GPHN: variants seen among roughly 807,000 people sequenced by gnomAD.
GPHN encodes the protein gephyrin.
In GPHN, 17 loss-of-function variants were observed where a neutral mutation model predicts 95.5. The observed-to-expected ratio is 0.18, with a 90% CI of 0.12 to 0.27. The LOEUF (loss-of-function observed/expected upper bound fraction) is 0.27. GPHN is among the 10% of genes least tolerant of loss of function. The pLI is 1.00. For missense variants in GPHN, 660 were observed against 978.1 expected, an observed-to-expected ratio of 0.67 and a Z score of 4.34; for synonymous variants, 320 against 322.5, an observed-to-expected ratio of 0.99 and a Z score of 0.08.
chr14:67,437,552 G>A, the GPHN span, among the ~76,000 whole-genome samples: 3 of 152,154 alleles, frequency 2.0e-5, no homozygotes, highest in African/African-American at 4.8e-5. Flanking sequence ...GCGGCTGTAC[G>A]TCTGAGAATA....
chr14:67,345,658 G>C, the GPHN span: 4 of 653,156 alleles, frequency 6.1e-6, no homozygotes, highest in Middle Eastern at 3.5e-4. Context: ...AGGATCATGG[G>C]AACAGTTAAA....
intron 10 of GPHN, among the ~76,000 whole-genome samples, chr14:67,033,029 T>A (rs962478994): frequency 1.3e-5 from 2 of 151,628 alleles, no homozygotes; most frequent in African/African-American, 2.4e-5. Context: ...CTAAACAAAA[T>A]CAGGAAACCA....
intron 2 of GPHN, among the ~76,000 whole-genome samples, chr14:66,751,470 T>C (rs1048296809): frequency 3.3e-5 from 5 of 152,138 alleles, no homozygotes; most frequent in African/African-American, 1.2e-4. Flanking sequence ...TATATGCTTG[T>C]TGGCTGCATG....
At chr14:67,475,972 G>C in the GPHN span, among the ~76,000 whole-genome samples, 1 of 152,228 alleles carries the variant, frequency 6.6e-6, no homozygotes, top group Non-Finnish European at 1.5e-5. Context: ...CCCGTCCTGG[G>C]CAGGCCCTCT....
chr14:66,767,648 A>G (rs992579582), intron 2 of GPHN, among the ~76,000 whole-genome samples: 6 of 151,908 alleles, frequency 3.9e-5, no homozygotes, highest in Admixed American at 3.9e-4. Context: ...ACATAGAGTA[A>G]TTGCTTTCAG....
intron 1 of GPHN, among the ~76,000 whole-genome samples, chr14:66,614,426 CTCA>C (rs2062913016): frequency 6.6e-6 from 1 of 152,104 alleles, no homozygotes; most frequent in Admixed American, 6.6e-5. Flanking sequence ...TAAATTAATG[CTCA>C]TCATCCTCTA....
At chr14:67,097,100 C>T (rs2077434912) in intron 12 of GPHN, among the ~76,000 whole-genome samples, 1 of 152,120 alleles carries the variant, frequency 6.6e-6, no homozygotes. Context: ...TTATTTAACA[C>T]CTATTGTACA....
intron 5 of GPHN, among the ~76,000 whole-genome samples, chr14:66,908,025 T>C (rs912501882): frequency 2.4e-4 from 37 of 152,216 alleles, no homozygotes; most frequent in Admixed American, 2.0e-3. Flanking sequence ...TTGTTTTATA[T>C]ATATATATAT....
chr14:66,735,990 G>A (rs557956888), intron 2 of GPHN, among the ~76,000 whole-genome samples: 1 of 152,200 alleles, frequency 6.6e-6, no homozygotes, highest in Non-Finnish European at 1.5e-5. Context: ...ATTTTGCTAG[G>A]TTACACAGCT....
chr14:66,587,716 A>G (rs764564397), intron 1 of GPHN, among the ~76,000 whole-genome samples: 10 of 152,228 alleles, frequency 6.6e-5, no homozygotes, highest in Non-Finnish European at 1.2e-4. Context: ...ACATTACTAT[A>G]AAGAACTGTA....
the GPHN span, among the ~76,000 whole-genome samples, chr14:67,238,067 TA>T: frequency 2.0e-5 from 3 of 152,122 alleles, no homozygotes; most frequent in Non-Finnish European, 4.4e-5. Context: ...GTCACACATC[TA>T]AATCACAGAA....
Position 66,576,232 on chromosome 14 carries a change from T to C in GPHN, c.64+67641T>C, listed in dbSNP as rs111367317. ...GGATCCTGCATCTGTGCTGGCTAGC[T>C]TGGAGGCTGGGGCCACAGGAGCTGG... On this transcript the variant is annotated intron_variant, in intron 1 of 22. Coordinates refer to ENST00000478722, the MANE Select transcript of GPHN (RefSeq NM_020806.5). 3.6e-3 allele frequency among the ~76,000 whole-genome samples: 554 copies of C among 152,320 alleles called. 12 individuals are homozygous for C. Among genetic ancestry groups the C allele is most frequent in the African/African-American group, 0.013 (528 of 41,568 alleles).
At chr14:66,991,150 A>G (rs1188063853) in intron 9 of GPHN, among the ~76,000 whole-genome samples, 1 of 152,034 alleles carries the variant, frequency 6.6e-6, no homozygotes, top group Non-Finnish European at 1.5e-5. Flanking sequence ...TAGATTATTG[A>G]TTTTTAACTT....
chr14:66,614,193 T>C (rs1277699433), intron 1 of GPHN, among the ~76,000 whole-genome samples: 1 of 152,130 alleles, frequency 6.6e-6, no homozygotes, highest in African/African-American at 2.4e-5. Context: ...AAAATAACTT[T>C]TTATAACTAT....
chr14:66,525,159 T>C (rs10149639), intron 1 of GPHN, among the ~76,000 whole-genome samples: 1 of 152,066 alleles, frequency 6.6e-6, no homozygotes, highest in African/African-American at 2.4e-5. Context: ...CAGCATCTGT[T>C]GTTTCCTGAC....
intron 10 of GPHN, among the ~76,000 whole-genome samples, chr14:67,025,211 C>G (rs1309874097): frequency 6.6e-6 from 1 of 152,140 alleles, no homozygotes; most frequent in Non-Finnish European, 1.5e-5. Context: ...ATGCATTTAT[C>G]CTTGGTAAAA....
At chr14:67,619,954 T>G in the GPHN span, 61 of 1,517,562 alleles carry the variant, frequency 4.0e-5, no homozygotes, top group Non-Finnish European at 5.2e-5. Flanking sequence ...GCCTCTGCCT[T>G]GGAGATTCTC....
intron 1 of GPHN, among the ~76,000 whole-genome samples, chr14:66,559,763 T>G (rs954068055): frequency 6.6e-6 from 1 of 151,922 alleles, no homozygotes; most frequent in Non-Finnish European, 1.5e-5. Context: ...ATTTGTCAAT[T>G]TTGGCTTTTG....
At chr14:67,477,400 C>T in the GPHN span, among the ~76,000 whole-genome samples, 3 of 152,148 alleles carry the variant, frequency 2.0e-5, no homozygotes, top group African/African-American at 7.2e-5. Context: ...TGCAGGTTAC[C>T]TTCAGAACAA....
Sources: gnomAD v4.1 joint callset for allele counts (sites outside exome capture counted in the v4.1 genomes callset) on GRCh38, gnomAD v4.1.1 for gene constraint, MANE v1.5 for transcripts, NCBI Gene and HGNC (gene_info 2026-07-23, HGNC 2026-07-21) for gene names.